Variants in TENM2 observed in about 807,000 individuals in gnomAD.
TENM2 encodes the protein teneurin-2.
Under a neutral mutation model 245.2 loss-of-function variants are expected in TENM2, and 52 were observed. The observed-to-expected ratio is 0.21, with a 90% CI of 0.17 to 0.27. TENM2 has a LOEUF of 0.27. Among genes scored for constraint, TENM2 ranks in the 10% least tolerant of loss-of-function variants. The pLI is 1.00. For missense variants in TENM2, 3,046 were observed against 3,666.8 expected, an observed-to-expected ratio of 0.83 and a Z score of 4.37; for synonymous variants, 1,363 against 1,438.9, an observed-to-expected ratio of 0.95 and a Z score of 1.19.
At chr5:167,803,810 A>AT (rs922730210) in intron 2 of TENM2, among the ~76,000 whole-genome samples, 2 of 151,950 alleles carry the variant, frequency 1.3e-5, no homozygotes, top group Admixed American at 6.6e-5. Context: ...CAGTTTAGTG[A>AT]TTTTTAATGC....
chr5:167,601,117 C>G (rs761333058), intron 2 of TENM2, among the ~76,000 whole-genome samples: 25 of 152,196 alleles, frequency 1.6e-4, no homozygotes, highest in Non-Finnish European at 2.5e-4. Flanking sequence ...CACCAATATA[C>G]CTAATTAACA....
the TENM2 span, among the ~76,000 whole-genome samples, chr5:167,182,624 T>C: frequency 6.6e-6 from 1 of 152,166 alleles, no homozygotes; most frequent in Non-Finnish European, 1.5e-5. Flanking sequence ...CCATTTGCCT[T>C]TTTGACTCTA....
the TENM2 span, among the ~76,000 whole-genome samples, chr5:167,095,006 A>T: frequency 3.3e-5 from 5 of 152,182 alleles, no homozygotes; most frequent in Admixed American, 1.3e-4. Flanking sequence ...AGGGATTTCT[A>T]GTACAACAGG....
chr5:167,511,539 C>T (rs937982416), intron 2 of TENM2, among the ~76,000 whole-genome samples: 1 of 152,150 alleles, frequency 6.6e-6, no homozygotes, highest in African/African-American at 2.4e-5. Context: ...TAAATACAAT[C>T]TTAAGGGCCC....
chr5:167,017,117 G>A, the TENM2 span, among the ~76,000 whole-genome samples: 1 of 152,164 alleles, frequency 6.6e-6, no homozygotes. Context: ...GAACATTGTT[G>A]AGATTTCAGG....
intron 1 of TENM2, among the ~76,000 whole-genome samples, chr5:167,367,399 A>G (rs1169898244): frequency 1.3e-5 from 2 of 152,178 alleles, no homozygotes; most frequent in Non-Finnish European, 2.9e-5. Flanking sequence ...TTAAACTTTT[A>G]TGAATAATAA....
chr5:167,759,122 T>G (rs1762496398), intron 2 of TENM2, among the ~76,000 whole-genome samples: 2 of 149,136 alleles, frequency 1.3e-5, no homozygotes, highest in Non-Finnish European at 3.0e-5. Context: ...ACTAGCAAGT[T>G]GCTTAGGGTT....
chr5:167,703,015 C>G lies in TENM2; in HGVS notation c.503-172971C>G, dbSNP rs559430398. Reference sequence around the variant, plus strand: ...GCTTACACACACAACCTCTCTCCCTCTGTCTCCCTCTTGCTCTATTTCTGT... The same window carrying G: ...GCTTACACACACAACCTCTCTCCCTGTGTCTCCCTCTTGCTCTATTTCTGT... On this transcript the variant is annotated intron_variant, in intron 2 of 28. Transcript: ENST00000518659. Among the ~76,000 whole-genome samples the G allele has an allele frequency of 4.6e-5, 7 of 152,330 alleles. No homozygotes were observed. In the South Asian group the frequency reaches 1.4e-3, roughly 32 times the overall value.
At chr5:167,456,682 A>G (rs774367890) in intron 2 of TENM2, among the ~76,000 whole-genome samples, 1 of 152,252 alleles carries the variant, frequency 6.6e-6, no homozygotes, top group Non-Finnish European at 1.5e-5. Flanking sequence ...TCAATTTATT[A>G]GCTACATAAA....
At chr5:167,720,700 G>A (rs1225273945) in intron 2 of TENM2, among the ~76,000 whole-genome samples, 1 of 152,184 alleles carries the variant, frequency 6.6e-6, no homozygotes, top group East Asian at 1.9e-4. Context: ...TCAATAGGGA[G>A]CAAGAATAAT....
the TENM2 span, among the ~76,000 whole-genome samples, chr5:166,979,206 G>GCAGCAGCAGCAGCACCACCAC: frequency 6.9e-6 from 1 of 144,872 alleles, no homozygotes; most frequent in Non-Finnish European, 1.5e-5. Flanking sequence ...AGCAGCAGCA[G>GCAGCAGCAGCAGCACCACCAC]CAGCAGCAGC....
chr5:167,294,468 G>A (rs989490768), intron 1 of TENM2, among the ~76,000 whole-genome samples: 5 of 152,106 alleles, frequency 3.3e-5, no homozygotes, highest in South Asian at 2.1e-4. Flanking sequence ...TCAAGGAATA[G>A]GAAGGGGAAG....
the TENM2 span, among the ~76,000 whole-genome samples, chr5:167,046,261 AT>A: frequency 7.2e-5 from 11 of 151,972 alleles, no homozygotes; most frequent in Admixed American, 5.9e-4. Flanking sequence ...ATGTAATGGG[AT>A]TTTTTCCCCC....
In TENM2 at chr5:168,216,938, A is replaced by C; in HGVS notation, c.4233+16A>C. The stretch of plus-strand genomic sequence containing the variant: ...TGTAGCCCAGGTGAGACTCTTTCTT[A>C]TTTCTCTTCACTAAGCAACACCTGC... On this transcript the variant is annotated intron_variant, in intron 22 of 28. Transcript: ENST00000518659. The C allele has an allele frequency of 1.2e-6, 2 of 1,612,756 alleles. No homozygotes were observed. Among genetic ancestry groups the C allele is most frequent in the Non-Finnish European group, 1.7e-6 (2 of 1,179,560 alleles).
In TENM2 at chr5:167,706,379, G is replaced by GA. The variant is rs1286183261; in HGVS notation, c.503-169603dup. The stretch of plus-strand genomic sequence containing the variant: ...AGAAAATGTGATACAGTATATATAA[G>GA]AAAATGTGATACTATATATATATAT... On this transcript the variant is annotated intron_variant, in intron 2 of 28. Coordinates refer to ENST00000518659, the Ensembl canonical transcript of TENM2. Among the ~76,000 whole-genome samples the GA allele has an allele frequency of 4.7e-5, 7 of 147,698 alleles. No individual in the cohort carries two copies. The South Asian group carries it at 1.3e-3, about 27-fold the overall frequency.
At chr5:167,903,965 G>A (rs1775902089) in intron 3 of TENM2, among the ~76,000 whole-genome samples, 1 of 152,154 alleles carries the variant, frequency 6.6e-6, no homozygotes, top group Non-Finnish European at 1.5e-5. Flanking sequence ...ATTGCAGAGT[G>A]GCAAGAATTG....
chr5:167,383,521 G>A (rs75893988), intron 2 of TENM2, among the ~76,000 whole-genome samples: 4,642 of 152,046 alleles, frequency 0.031, 260 homozygotes, highest in East Asian at 0.21. Flanking sequence ...ACTTGGTGGG[G>A]AATCCGCTTT....
chr5:167,931,419 T>C (rs1778270214), intron 3 of TENM2, among the ~76,000 whole-genome samples: 1 of 152,078 alleles, frequency 6.6e-6, no homozygotes, highest in South Asian at 2.1e-4. Context: ...CTCCTGATGG[T>C]ATAGACTCAA....
the TENM2 span, among the ~76,000 whole-genome samples, chr5:167,273,812 G>T: frequency 6.6e-6 from 1 of 152,092 alleles, no homozygotes; most frequent in Non-Finnish European, 1.5e-5. Flanking sequence ...GGGTGTTTGT[G>T]TACCTAGTTT....
Sources: allele counts gnomAD v4.1 joint callset (sites outside exome capture counted in the v4.1 genomes callset), GRCh38; gene constraint gnomAD v4.1.1; transcripts MANE v1.5; gene names NCBI Gene and HGNC (gene_info 2026-07-23, HGNC 2026-07-21).